Variants in ITGB3 observed in about 807,000 individuals in gnomAD.
ITGB3 encodes integrin subunit beta 3.
Under a neutral mutation model 85.8 loss-of-function variants are expected in ITGB3, and 48 were observed. The ratio of observed to expected loss-of-function variants is 0.56; its 90% CI spans 0.44 to 0.71. ITGB3 has a LOEUF of 0.71. Ranked by LOEUF, ITGB3 falls within the 30% of genes least tolerant of loss-of-function variation. ITGB3 has a pLI of 0.00. For missense variants in ITGB3, 861 were observed against 1,019.1 expected, an observed-to-expected ratio of 0.84 and a Z score of 2.11; for synonymous variants, 363 against 395.6, an observed-to-expected ratio of 0.92 and a Z score of 0.98.
chr17:47,255,180 T>C (rs996451491), intron 1 of ITGB3, among the ~76,000 whole-genome samples: 2 of 151,726 alleles, frequency 1.3e-5, no homozygotes, highest in African/African-American at 2.4e-5. Context: ...GGTTTCACCA[T>C]GTTGGCCAGG....
intron 1 of ITGB3, among the ~76,000 whole-genome samples, chr17:47,259,626 G>A (rs891151565): frequency 7.2e-5 from 11 of 152,266 alleles, no homozygotes; most frequent in African/African-American, 2.6e-4. Flanking sequence ...TTGGCTGGGC[G>A]CGGTGGCTCA....
At chr17:47,277,068 G>A (rs988664214) in intron 2 of ITGB3, among the ~76,000 whole-genome samples, 3 of 152,146 alleles carry the variant, frequency 2.0e-5, no homozygotes, top group Non-Finnish European at 4.4e-5. Flanking sequence ...CAACGTGGAT[G>A]AGCACGGAGT....
At chr17:47,273,721 T>A (rs1437268861) in intron 1 of ITGB3, among the ~76,000 whole-genome samples, 1 of 152,230 alleles carries the variant, frequency 6.6e-6, no homozygotes, top group Non-Finnish European at 1.5e-5. Context: ...CATGAAGTAG[T>A]TAGCAGGAAG....
intron 2 of ITGB3, among the ~76,000 whole-genome samples, chr17:47,278,607 A>T (rs1174927159): frequency 6.6e-6 from 1 of 151,840 alleles, no homozygotes; most frequent in African/African-American, 2.4e-5. Context: ...AGTCACTTAT[A>T]TTTGCATTTA....
intron 8 of ITGB3, 130 bp downstream of exon 8, chr17:47,290,404 A>G: frequency 1.2e-6 from 1 of 818,632 alleles, no homozygotes; most frequent in Admixed American, 1.8e-5. Context: ...GTGTGCTCCC[A>G]GAGCCCAGGC....
rs11381846 is a variant in ITGB3, at chr17:47,313,347, C to CTTT, written c.*3158_*3160dup. ...AGTATTCCTGGTTGAAATTTCTTTT[C>CTTT]TTTTTTTTTTTTTTTTTGAGACAGA... On this transcript the variant is annotated 3_prime_UTR_variant, in exon 15 of 15. Coordinates refer to ENST00000559488, the MANE Select transcript of ITGB3 (RefSeq NM_000212.3). Among the ~76,000 whole-genome samples, 13 of 128,308 alleles carry CTTT rather than the reference C, an allele frequency of 1.0e-4. No individual in the cohort carries two copies. Among genetic ancestry groups the CTTT allele is most frequent in the African/African-American group, 1.5e-4 (5 of 33,878 alleles). 84.2% of individuals were successfully genotyped at this position (128,308 alleles called of 152,430 possible).
At position 47,290,448 on chromosome 17, in the gene ITGB3, A is replaced by AGAAGGAAGGAAGGAAGGAAG. The variant is rs112290297; in HGVS notation, c.1125+179_1125+198dup. On this transcript the variant is annotated intron_variant, in intron 8 of 14. Coordinates refer to ENST00000559488, the MANE Select transcript of ITGB3 (RefSeq NM_000212.3). ...GCTCTAGAAGGGATGCAGCCTTCTG[A>AGAAGGAAGGAAGGAAGGAAG]GAAGGAAGGAAGGAAGGAAGGAAGA... Among the ~76,000 whole-genome samples the AGAAGGAAGGAAGGAAGGAAG allele has an allele frequency of 0.1, 15,268 of 148,886 alleles. 941 individuals are homozygous for AGAAGGAAGGAAGGAAGGAAG. The highest frequency in any genetic ancestry group is 0.13 in the Middle Eastern group (39 of 292).
rs1235509061 is a variant in ITGB3 at position 47,311,916 on chromosome 17, G to T, written c.*1712G>T. 1 of 152,338 alleles carries T rather than the reference G, an allele frequency of 6.6e-6. No homozygotes were observed. The highest frequency in any genetic ancestry group is 2.4e-5 in the African/African-American group (1 of 41,466). 9.4% of individuals were successfully genotyped at this position (152,338 alleles called of 1,614,324 possible). On this transcript the variant is annotated 3_prime_UTR_variant, in exon 15 of 15. Coordinates refer to ENST00000559488, the MANE Select transcript of ITGB3 (RefSeq NM_000212.3). ...AAAGCTGTTTTCTAGTTTGAGAAAT[G>T]ATGGGATTTTAGCAGCCAGTCTTGA... is the stretch of plus-strand genomic sequence containing the variant.
chr17:47,312,163 C>T lies in ITGB3; in HGVS notation c.*1959C>T, dbSNP rs192215916. ...GTTTTCCAACATTTGTTAATAGTTA[C>T]GTCTCTCCTGATGTAGCACTTAAGC... On this transcript the variant is annotated 3_prime_UTR_variant, in exon 15 of 15. Coordinates refer to ENST00000559488, the MANE Select transcript of ITGB3 (RefSeq NM_000212.3). Among the ~76,000 whole-genome samples, 568 of 152,314 alleles carry T rather than the reference C, an allele frequency of 3.7e-3. 2 individuals are homozygous for T. Among genetic ancestry groups the T allele is most frequent in the Non-Finnish European group, 6.3e-3 (429 of 68,028 alleles).
intron 3 of ITGB3, 116 bp downstream of exon 3, chr17:47,283,665 G>A: frequency 1.0e-6 from 1 of 988,984 alleles, no homozygotes; most frequent in South Asian, 1.3e-5. Flanking sequence ...GGGGTGGGAA[G>A]ACAAGGATGA....
At chr17:47,263,872 G>A (rs551773647) in intron 1 of ITGB3, among the ~76,000 whole-genome samples, 2 of 152,290 alleles carry the variant, frequency 1.3e-5, no homozygotes, top group South Asian at 2.1e-4. Flanking sequence ...TGTGTACAGG[G>A]AATCCCCTTG....
At chr17:47,260,566 C>A (rs1256822026) in intron 1 of ITGB3, among the ~76,000 whole-genome samples, 1 of 152,208 alleles carries the variant, frequency 6.6e-6, no homozygotes, top group Admixed American at 6.5e-5. Context: ...GATAGAGAAA[C>A]CTGGGTCTGT....
At position 47,283,366 on chromosome 17, in the gene ITGB3, G is replaced by A; in HGVS notation, c.178G>A (p.Gly60Ser). ...AWCSDEALPL[G>S]SPRCDLKENL... ...TCCTGTCTTACAGGCCCTGCCTCTG[G>A]GCTCACCTCGCTGTGACCTGAAGGA... is the stretch of plus-strand genomic sequence containing the variant. The change falls in exon 3 of 15, where the codon GGC (glycine) becomes AGC (serine). Residue 60 changes from glycine to serine, a missense_variant. By Grantham distance (56) the Gly-to-Ser change is moderately conservative (BLOSUM62 0). Coordinates refer to ENST00000559488, the MANE Select transcript of ITGB3 (RefSeq NM_000212.3). The A allele has an allele frequency of 6.2e-7, 1 of 1,614,168 alleles. No individual in the cohort carries two copies. The highest frequency in any genetic ancestry group is 2.2e-5 in the East Asian group (1 of 44,886).
At chr17:47,254,325 G>T (rs1399713557) in intron 1 of ITGB3, among the ~76,000 whole-genome samples, 1 of 152,142 alleles carries the variant, frequency 6.6e-6, no homozygotes, top group East Asian at 1.9e-4. Flanking sequence ...GCGAGGTGGG[G>T]CTTCCGGGGG....
At chr17:47,280,434 G>A (rs2065079852) in intron 2 of ITGB3, among the ~76,000 whole-genome samples, 2 of 152,150 alleles carry the variant, frequency 1.3e-5, no homozygotes, top group Non-Finnish European at 2.9e-5. Context: ...TTGGCTCACT[G>A]CAACCTCCGC....
Position 47,286,389 on chromosome 17 carries a change from C to T in ITGB3, c.744C>T (p.Gly248=), listed in dbSNP as rs141384746. ...GGAACCGAGATGCCCCAGAGGGTGG[C>T]TTTGATGCCATCATGCAGGCTACAG... is the stretch of plus-strand genomic sequence containing the variant. ...VSRNRDAPEG[G]FDAIMQATVC... The change falls in exon 5 of 15, where the codon GGC becomes GGT. Residue 248 remains glycine (G), a synonymous_variant. Coordinates refer to ENST00000559488, the MANE Select transcript of ITGB3 (RefSeq NM_000212.3). 1.6e-4 allele frequency: 257 copies of T among 1,614,010 alleles called. No individual in the cohort carries two copies. The highest frequency in any genetic ancestry group is 2.1e-4 in the Non-Finnish European group (250 of 1,180,036).
rs1460187172 is a variant in ITGB3, at chr17:47,279,247, T to C, written c.166-4107T>C. Among the ~76,000 whole-genome samples, 8 of 152,172 alleles carry C rather than the reference T, an allele frequency of 5.3e-5. No homozygotes were observed. The East Asian group carries it at 1.5e-3, about 29-fold the overall frequency. On this transcript the variant is annotated intron_variant, in intron 2 of 14. Transcript: ENST00000559488. ...AGGCCCTTCCCCTGGGTCTTGGCTATTTTTGCCCTTTTTGTGTAACATCCG... is the reference window on the plus strand; with the variant it reads ...AGGCCCTTCCCCTGGGTCTTGGCTACTTTTGCCCTTTTTGTGTAACATCCG...
intron 1 of ITGB3, among the ~76,000 whole-genome samples, chr17:47,260,898 C>T (rs1272655378): frequency 1.3e-5 from 2 of 151,734 alleles, no homozygotes; most frequent in South Asian, 2.1e-4. Context: ...GAAATATGTG[C>T]GCATTGTGGA....
intron 8 of ITGB3, among the ~76,000 whole-genome samples, chr17:47,290,544 G>C (rs192303025): frequency 2.0e-5 from 3 of 152,326 alleles, no homozygotes; most frequent in East Asian, 3.9e-4. Context: ...CTGGAATTGT[G>C]GGGGCAGAGT....
Sources: gnomAD v4.1 joint callset for allele counts (sites outside exome capture counted in the v4.1 genomes callset) on GRCh38, gnomAD v4.1.1 for gene constraint, MANE v1.5 for transcripts, NCBI Gene and HGNC (gene_info 2026-07-23, HGNC 2026-07-21) for gene names.